The following SRRM4 variants were observed in gnomAD, a reference collection of about 807,000 sequenced individuals.
The protein encoded by SRRM4 is serine/arginine repetitive matrix protein 4.
Under a neutral mutation model 68.9 loss-of-function variants are expected in SRRM4, and 33 were observed. The observed-to-expected ratio is 0.48, with a 90% CI of 0.36 to 0.64. The LOEUF (loss-of-function observed/expected upper bound fraction) is 0.64. Among genes scored for constraint, SRRM4 ranks in the 30% least tolerant of loss-of-function variants. The pLI is 0.00. For synonymous variants in SRRM4, 318 were observed against 318.8 expected (o/e 1.00, Z 0.03); for missense variants, 817 against 827.1 (o/e 0.99, Z 0.15).
At chr12:118,989,493 C>T (rs932776620) in intron 1 of SRRM4, among the ~76,000 whole-genome samples, 18 of 152,090 alleles carry the variant, frequency 1.2e-4, no homozygotes, top group Admixed American at 9.8e-4. Flanking sequence ...ACAGTCTGCT[C>T]TTTCTGTCTC....
At chr12:119,120,203 T>C (rs1185625295) in intron 4 of SRRM4, 47 bp from the exon 5 acceptor site, 1 of 1,417,052 alleles carries the variant, frequency 7.1e-7, no homozygotes. Context: ...CTCTGCCTTT[T>C]TTTTCTTTGA....
At chr12:119,117,596 G>GCACACACACACACACACA (rs71451816) in intron 4 of SRRM4, among the ~76,000 whole-genome samples, 4,196 of 150,336 alleles carry the variant, frequency 0.028, 124 homozygotes, top group East Asian at 0.086. Flanking sequence ...TGTTCACTGT[G>GCACACACACACACACACA]CACACACACA....
intron 1 of SRRM4, among the ~76,000 whole-genome samples, chr12:119,046,208 T>TG (rs2136014564): frequency 6.6e-6 from 1 of 152,224 alleles, no homozygotes; most frequent in Non-Finnish European, 1.5e-5. Flanking sequence ...AGGGGAGCAG[T>TG]GGTCCTATCT....
Position 118,982,682 on chromosome 12 carries a change from T to TTA in SRRM4, c.131+670_131+671insAT, listed in dbSNP as rs1228412919. Reference sequence around the variant, plus strand: ...GAGTTTTATTTTGTTTTTTTTTGTTTTTTTTTTTTTTTTCCAAAAAGAATC... The same window carrying TTA: ...GAGTTTTATTTTGTTTTTTTTTGTTTTATTTTTTTTTTTTTCCAAAAAGAATC... On this transcript the variant is annotated intron_variant, in intron 1 of 12. Coordinates refer to ENST00000267260, the MANE Select transcript of SRRM4 (RefSeq NM_194286.4). Among the ~76,000 whole-genome samples, 11 of 134,206 alleles carry TTA rather than the reference T, an allele frequency of 8.2e-5. No homozygotes were observed. In the East Asian group the frequency reaches 1.2e-3, roughly 15 times the overall value. The allele number at this position is 134,206 out of a possible 152,430, so 88.0% of individuals were successfully genotyped here.
intron 1 of SRRM4, among the ~76,000 whole-genome samples, chr12:119,063,356 G>A (rs1004837631): frequency 2.0e-5 from 3 of 152,106 alleles, no homozygotes; most frequent in African/African-American, 4.8e-5. Context: ...GAACAACAAA[G>A]GTTCCTTTTC....
chr12:119,060,629 C>A (rs955911446), intron 1 of SRRM4, among the ~76,000 whole-genome samples: 1 of 151,854 alleles, frequency 6.6e-6, no homozygotes, highest in African/African-American at 2.4e-5. Flanking sequence ...GACCCCCTCC[C>A]AAGTATGGCC....
chr12:119,154,258 A>G lies in SRRM4; in HGVS notation c.1407A>G (p.Lys469=). 1 of 1,607,712 alleles carries G rather than the reference A, an allele frequency of 6.2e-7. No homozygotes were observed. Among genetic ancestry groups the G allele is most frequent in the South Asian group, 1.1e-5 (1 of 89,886 alleles). ...GCCCCTTCAGGGAGCGGGATCCCAA[A>G]TACAGTGAGAAGGACTCGCAGCAGC... ...RYSPSRERDP[K]YSEKDSQQRE... Residue 469 remains lysine, a synonymous_variant, in exon 12 of 13, where the codon AAA becomes AAG. Transcript: ENST00000267260. This position sits in a 1 kb window ranked among gnomAD's most constrained non-coding sequence, Gnocchi z 4.7.
intron 2 of SRRM4, among the ~76,000 whole-genome samples, chr12:119,105,505 C>T (rs923649581): frequency 4.6e-5 from 7 of 152,098 alleles, no homozygotes; most frequent in African/African-American, 9.7e-5. Context: ...TCTTAATGAT[C>T]GCCATTCTAA....
At chr12:119,070,363 C>A (rs1391804559) in intron 1 of SRRM4, among the ~76,000 whole-genome samples, 1 of 152,132 alleles carries the variant, frequency 6.6e-6, no homozygotes, top group Admixed American at 6.5e-5. Context: ...GACCACAGAT[C>A]ACAGCCCTCT....
At chr12:119,153,736 C>G in intron 11 of SRRM4, 87 bp downstream of exon 11, 2 of 982,012 alleles carry the variant, frequency 2.0e-6, no homozygotes, top group Non-Finnish European at 3.1e-6. Flanking sequence ...TCCCCGTTCT[C>G]GGGCCTTCTT....
chr12:119,087,562 G>A (rs375147035), intron 1 of SRRM4, among the ~76,000 whole-genome samples: 199 of 152,156 alleles, frequency 1.3e-3, no homozygotes, highest in Middle Eastern at 6.8e-3. Context: ...AAACGCGCTG[G>A]AGGGAATATT....
chr12:119,138,674 C>T (rs1954346005), intron 8 of SRRM4, among the ~76,000 whole-genome samples: 1 of 152,174 alleles, frequency 6.6e-6, no homozygotes. Context: ...TTATTGTCTC[C>T]CTCTCTCCTC....
intron 6 of SRRM4, 116 bp downstream of exon 6, chr12:119,122,236 G>A (rs1436350752): frequency 3.5e-6 from 2 of 567,416 alleles, no homozygotes; most frequent in Non-Finnish European, 3.1e-6. Flanking sequence ...GAGAAGGTGA[G>A]CGGGTGAAAG....
intron 2 of SRRM4, among the ~76,000 whole-genome samples, chr12:119,104,442 T>A (rs550968118): frequency 4.2e-5 from 6 of 141,550 alleles, no homozygotes; most frequent in African/African-American, 9.8e-5. Context: ...ATAACAGTGA[T>A]AATAAAAGTA....
At chr12:119,148,055 G>A (rs183303861) in intron 9 of SRRM4, among the ~76,000 whole-genome samples, 2 of 152,304 alleles carry the variant, frequency 1.3e-5, no homozygotes, top group East Asian at 3.9e-4. Flanking sequence ...CACAGTTGCG[G>A]GATGGGTGGA....
chr12:119,078,984 T>C (rs1192156301), intron 1 of SRRM4, among the ~76,000 whole-genome samples: 1 of 152,156 alleles, frequency 6.6e-6, no homozygotes, highest in African/African-American at 2.4e-5. Context: ...AAGGACGCAC[T>C]CTGGGCTGGA....
At chr12:119,036,266 C>G (rs1953626419) in intron 1 of SRRM4, among the ~76,000 whole-genome samples, 1 of 152,272 alleles carries the variant, frequency 6.6e-6, no homozygotes, top group South Asian at 2.1e-4. Flanking sequence ...CTCCGCTTTG[C>G]TTTCCAAAGA....
At chr12:119,068,480 G>C (rs546398373) in intron 1 of SRRM4, among the ~76,000 whole-genome samples, 12 of 152,174 alleles carry the variant, frequency 7.9e-5, no homozygotes, top group Non-Finnish European at 1.5e-4. Flanking sequence ...CCTTCAGCAA[G>C]CAAAGAGAAG....
chr12:119,042,122 G>T (rs1348041912), intron 1 of SRRM4, among the ~76,000 whole-genome samples: 1 of 152,148 alleles, frequency 6.6e-6, no homozygotes, highest in Non-Finnish European at 1.5e-5. Flanking sequence ...AGAACACGCA[G>T]TCAGTGGCAG....
Sources: allele counts gnomAD v4.1 joint callset (sites outside exome capture counted in the v4.1 genomes callset), GRCh38; gene constraint gnomAD v4.1.1; non-coding constraint Gnocchi (gnomAD v3.1); transcripts MANE v1.5; gene names NCBI Gene and HGNC (gene_info 2026-07-23, HGNC 2026-07-21).